Variants in GRM7 observed in about 807,000 individuals in gnomAD.
GRM7 encodes metabotropic glutamate receptor 7.
In GRM7, 35 loss-of-function variants were observed where a neutral mutation model predicts 84.5. The observed-to-expected ratio is 0.41, with a 90% CI of 0.32 to 0.55. The LOEUF (loss-of-function observed/expected upper bound fraction) is 0.55, where lower values mean the gene tolerates loss of function less well. GRM7 is among the 20% of genes least tolerant of loss of function. The probability of loss-of-function intolerance (pLI) is 0.19; values close to 1 mark genes in which losing one functional copy is unlikely to be tolerated. For synonymous variants in GRM7, 487 were observed against 455.1 expected, an observed-to-expected ratio of 1.07 and a Z score of -0.89; for missense variants, 1,003 against 1,194.6, an observed-to-expected ratio of 0.84 and a Z score of 2.36.
intron 7 of GRM7, among the ~76,000 whole-genome samples, chr3:7,571,280 T>G (rs1445894315): frequency 6.6e-6 from 1 of 152,196 alleles, no homozygotes; most frequent in Non-Finnish European, 1.5e-5. Flanking sequence ...TCTTTTTTAT[T>G]GCATTGCCAG....
intron 2 of GRM7, among the ~76,000 whole-genome samples, chr3:7,164,442 A>G (rs1202257279): frequency 6.6e-6 from 1 of 152,202 alleles, no homozygotes; most frequent in Non-Finnish European, 1.5e-5. Context: ...TGGTGAAGGA[A>G]CAAAGAATGC....
At chr3:6,879,945 C>T (rs767113903) in intron 1 of GRM7, among the ~76,000 whole-genome samples, 4 of 152,162 alleles carry the variant, frequency 2.6e-5, no homozygotes, top group East Asian at 1.9e-4. Flanking sequence ...AGTTGCAAGA[C>T]GGCTACTGAA....
At chr3:7,684,355 G>A (rs147112157) in intron 9 of GRM7, among the ~76,000 whole-genome samples, 5 of 152,252 alleles carry the variant, frequency 3.3e-5, no homozygotes, top group African/African-American at 1.2e-4. Context: ...GAGGGAGGGT[G>A]TCTGAGAGGA....
At chr3:7,050,682 A>G (rs898221537) in intron 1 of GRM7, among the ~76,000 whole-genome samples, 1 of 152,086 alleles carries the variant, frequency 6.6e-6, no homozygotes, top group Admixed American at 6.6e-5. Flanking sequence ...GGAGCCACAA[A>G]AGTTTATTCC....
At chr3:6,881,354 A>G (rs1427363278) in intron 1 of GRM7, among the ~76,000 whole-genome samples, 2 of 152,000 alleles carry the variant, frequency 1.3e-5, no homozygotes, top group African/African-American at 4.8e-5. Flanking sequence ...ATGTGTTCTC[A>G]TTGTTCAGCT....
intron 1 of GRM7, among the ~76,000 whole-genome samples, chr3:7,063,796 T>A (rs1157280309): frequency 2.0e-5 from 3 of 151,726 alleles, no homozygotes; most frequent in Non-Finnish European, 1.5e-5. Flanking sequence ...AATATTAACT[T>A]GCCCTTTTCT....
intron 2 of GRM7, among the ~76,000 whole-genome samples, chr3:7,296,670 A>G (rs1699824312): frequency 6.6e-6 from 1 of 152,106 alleles, no homozygotes. Context: ...AGTTATCACT[A>G]ATATCCTCAT....
At chr3:7,223,558 A>G (rs1369778634) in intron 2 of GRM7, among the ~76,000 whole-genome samples, 2 of 151,732 alleles carry the variant, frequency 1.3e-5, no homozygotes, top group African/African-American at 4.8e-5. Flanking sequence ...CCTGAATTAT[A>G]TGTTCTCATC....
intron 7 of GRM7, among the ~76,000 whole-genome samples, chr3:7,550,833 C>T (rs917673847): frequency 4.6e-5 from 7 of 152,010 alleles, no homozygotes; most frequent in Admixed American, 1.3e-4. Flanking sequence ...TCCCAGCTCC[C>T]TTGCTTACAT....
intron 8 of GRM7, among the ~76,000 whole-genome samples, chr3:7,629,104 C>A (rs895488711): frequency 2.6e-5 from 4 of 152,196 alleles, no homozygotes; most frequent in African/African-American, 9.6e-5. Context: ...GATAACTTGA[C>A]TGCTGCAGCT....
chr3:7,069,485 C>T (rs1384935580), intron 1 of GRM7, among the ~76,000 whole-genome samples: 1 of 152,036 alleles, frequency 6.6e-6, no homozygotes, highest in Non-Finnish European at 1.5e-5. Context: ...TAAGGCAGTC[C>T]ATAGAGGTTA....
At chr3:7,533,635 C>T (rs1274053258) in intron 7 of GRM7, among the ~76,000 whole-genome samples, 1 of 152,108 alleles carries the variant, frequency 6.6e-6, no homozygotes, top group African/African-American at 2.4e-5. Context: ...CAGAGGAAAC[C>T]CCAATCCTGA....
chr3:7,457,421 T>G (rs1698065635), intron 6 of GRM7, among the ~76,000 whole-genome samples: 1 of 152,196 alleles, frequency 6.6e-6, no homozygotes, highest in Non-Finnish European at 1.5e-5. Flanking sequence ...TTTAGTTATC[T>G]TTATGTTGGC....
intron 7 of GRM7, among the ~76,000 whole-genome samples, chr3:7,508,340 T>G (rs1700096742): frequency 6.6e-6 from 1 of 152,170 alleles, no homozygotes; most frequent in Non-Finnish European, 1.5e-5. Context: ...AAGGCACCAA[T>G]CTGTGCCTTA....
chr3:7,094,790 G>A lies in GRM7; in HGVS notation c.520-51662G>A, dbSNP rs78810793. Among the ~76,000 whole-genome samples, 621 of 150,516 alleles carry A rather than the reference G, an allele frequency of 4.1e-3. 2 individuals carry two copies. The highest frequency in any genetic ancestry group is 0.01 in the Middle Eastern group (3 of 294). ...TAATAAAATGTGTTCAATAATTTTA[G>A]AAATTAAATAAGTTAATGCATGTAA... On this transcript the variant is annotated intron_variant, in intron 1 of 9. Transcript: ENST00000357716.
At chr3:7,499,508 G>C (rs183088131) in intron 7 of GRM7, among the ~76,000 whole-genome samples, 64 of 152,238 alleles carry the variant, frequency 4.2e-4, no homozygotes, top group Admixed American at 2.0e-3. Flanking sequence ...AAAAGCTAAT[G>C]TTTACTTGGA....
chr3:7,638,082 T>G (rs1264003464), intron 8 of GRM7, among the ~76,000 whole-genome samples: 1 of 152,192 alleles, frequency 6.6e-6, no homozygotes, highest in African/African-American at 2.4e-5. Context: ...AAAATCTTCC[T>G]GGGTTATGAG....
intron 1 of GRM7, among the ~76,000 whole-genome samples, chr3:6,924,701 G>GAT (rs1054882129): frequency 5.9e-5 from 9 of 151,872 alleles, no homozygotes; most frequent in African/African-American, 1.7e-4. Flanking sequence ...CAGTTTTATA[G>GAT]ATATATATAA....
intron 8 of GRM7, among the ~76,000 whole-genome samples, chr3:7,648,156 G>C (rs1698740718): frequency 6.6e-6 from 1 of 151,680 alleles, no homozygotes; most frequent in Non-Finnish European, 1.5e-5. Flanking sequence ...TAAGAGTTTT[G>C]GGGGCTCCCA....
Sources: allele counts gnomAD v4.1 joint callset (sites outside exome capture counted in the v4.1 genomes callset), GRCh38; gene constraint gnomAD v4.1.1; transcripts MANE v1.5; gene names NCBI Gene and HGNC (gene_info 2026-07-23, HGNC 2026-07-21).